LENG8: variants seen among roughly 807,000 people sequenced by gnomAD.
LENG8 encodes leukocyte receptor cluster member 8.
In LENG8, 28 loss-of-function variants were observed where a neutral mutation model predicts 102.1. The ratio of observed to expected loss-of-function variants is 0.27; its 90% CI spans 0.20 to 0.38. The LOEUF (loss-of-function observed/expected upper bound fraction) is 0.38, where lower values mean the gene tolerates loss of function less well. Among genes scored for constraint, LENG8 ranks in the 10% least tolerant of loss-of-function variants. The pLI is 1.00. For missense variants in LENG8, 1,022 were observed against 1,113.9 expected (o/e 0.92, Z 1.17); for synonymous variants, 531 against 456.7 (o/e 1.16, Z -2.07).
chr19:54,454,761 G>A, intron 6 of LENG8, 79 bp downstream of exon 6: 1 of 1,480,460 alleles, frequency 6.8e-7, no homozygotes, highest in Non-Finnish European at 9.0e-7. Flanking sequence ...CGTGGTGTGT[G>A]CTGCTCCTTG....
intron 15 of LENG8, chr19:54,460,381 G>A (rs966559213): frequency 9.9e-6 from 12 of 1,211,392 alleles, no homozygotes; most frequent in Non-Finnish European, 1.3e-5. Flanking sequence ...CGCAGGGCAG[G>A]GGAGGCAGCG....
At chr19:54,457,486 G>T (rs894966142) in intron 11 of LENG8, among the ~76,000 whole-genome samples, 3 of 152,112 alleles carry the variant, frequency 2.0e-5, no homozygotes, top group Admixed American at 1.3e-4. Flanking sequence ...GATTACAGGC[G>T]TCTGCCACTA....
Position 54,452,127 on chromosome 19 carries a change from C to G in LENG8, c.73C>G (p.Arg25Gly). 6.2e-7 allele frequency: 1 copy of G among 1,613,988 alleles called. No homozygotes were observed. Among genetic ancestry groups the G allele is most frequent in the Non-Finnish European group, 8.5e-7 (1 of 1,179,966 alleles). Reference protein sequence around the residue: ...SQYSMVAGAGRENGMETPMHE... With the variant: ...SQYSMVAGAGGENGMETPMHE... ...GTACAGCATGGTGGCTGGGGCAGGC[C>G]GAGAGAATGGCATGGAGACGCCGAT... Residue 25 changes from arginine (R) to glycine (G), a missense_variant, in exon 3 of 16, where the codon CGA (arginine) becomes GGA (glycine). Arg to Gly is a moderately radical substitution (Grantham distance 125). Transcript: ENST00000326764.
Position 54,461,911 on chromosome 19 carries a change from C to G in LENG8, c.*983C>G, listed in dbSNP as rs1440785261. 4.6e-6 allele frequency: 4 copies of G among 873,244 alleles called. No individual in the cohort carries two copies. The highest frequency in any genetic ancestry group is 7.9e-6 in the Non-Finnish European group (4 of 508,676). The allele number at this position is 873,244 out of a possible 1,614,324, so 54.1% of individuals were successfully genotyped here. On this transcript the variant is annotated 3_prime_UTR_variant, in exon 16 of 16. Transcript: ENST00000326764. The stretch of plus-strand genomic sequence containing the variant: ...TCCAGATGTTCCTCCTCTGCCTCCC[C>G]TTCCCCTCCTCTCCCCTCCTTTTCC...
Position 54,454,933 on chromosome 19 carries a change from C to A in LENG8, c.680-18C>A, listed in dbSNP as rs765560174. 2 of 1,614,102 alleles carry A rather than the reference C, an allele frequency of 1.2e-6. No individual in the cohort carries two copies. Among genetic ancestry groups the A allele is most frequent in the East Asian group, 2.2e-5 (1 of 44,880 alleles). On this transcript the variant is annotated intron_variant, in intron 6 of 15. Transcript: ENST00000326764. ...GTGCCGGGGAAGGGCCTAACCATAG[C>A]TTTCGCTGCCCTCACAGCCGCCCCT...
chr19:54,461,045 G>C lies in LENG8; in HGVS notation c.*117G>C. 7.0e-7 allele frequency: 1 copy of C among 1,434,704 alleles called. No homozygotes were observed. The highest frequency in any genetic ancestry group is 1.3e-5 in the South Asian group (1 of 79,998). 88.9% of individuals were successfully genotyped at this position (1,434,704 alleles called of 1,614,324 possible). A position where few individuals can be genotyped will look rare whatever the true frequency, so the allele number is the denominator to read the frequency against. On this transcript the variant is annotated 3_prime_UTR_variant, in exon 16 of 16. Coordinates refer to ENST00000326764, the MANE Select transcript of LENG8 (RefSeq NM_052925.4). ...TTTATTTGTGGGGAGTGCGCTCCAGGAAGAGCCACCATCCCTGCCCCCGTT... is the reference window on the plus strand; with the variant it reads ...TTTATTTGTGGGGAGTGCGCTCCAGCAAGAGCCACCATCCCTGCCCCCGTT...
Position 54,461,942 on chromosome 19 carries a change from T to C in LENG8, c.*1014T>C, listed in dbSNP as rs974404694. On this transcript the variant is annotated 3_prime_UTR_variant, in exon 16 of 16. Coordinates refer to ENST00000326764, the MANE Select transcript of LENG8 (RefSeq NM_052925.4). ...CTCCTCTCCCCTCCTTTTCCTTCCT[T>C]CCTTCCTTTCCTTGGAGCACTGAGC... 1.9e-5 allele frequency: 19 copies of C among 992,428 alleles called. No homozygotes were observed. In the Admixed American group the frequency reaches 2.1e-4, roughly 11 times the overall value. 61.5% of individuals were successfully genotyped at this position (992,428 alleles called of 1,614,324 possible). A position where few individuals can be genotyped will look rare whatever the true frequency, so the allele number is the denominator to read the frequency against.
chr19:54,458,825 C>G (rs1203517084), intron 15 of LENG8: 3 of 1,551,022 alleles, frequency 1.9e-6, no homozygotes, highest in Non-Finnish European at 2.6e-6. Context: ...TGCCTGGACC[C>G]CCTAGTTCAC....
At position 54,454,642 on chromosome 19, in the gene LENG8, C is replaced by G. The variant is rs150631293; in HGVS notation, c.639C>G (p.Ala213=). The G allele has an allele frequency of 8.5e-5, 136 of 1,607,078 alleles. No individual in the cohort carries two copies. The highest frequency in any genetic ancestry group is 1.0e-4 in the Non-Finnish European group (122 of 1,178,584). ...GGCCACACACCTACACCGAACCTGC[C>G]AAGCCCAAGAAGGGCCAACAGCTGT... ...AYGPHTYTEP[A]KPKKGQQLWN... is the part of the protein sequence containing the mutation. Residue 213 remains alanine, a synonymous_variant, in exon 6 of 16, where the codon GCC becomes GCG. Transcript: ENST00000326764.
intron 2 of LENG8, 191 bp from the exon 3 acceptor site, chr19:54,451,902 A>G (rs2083978126): frequency 1.9e-6 from 1 of 531,946 alleles, no homozygotes; most frequent in Admixed American, 3.5e-5. Flanking sequence ...TAAGTAGGTG[A>G]TCTCATTTAT....
chr19:54,455,630 G>C lies in LENG8; in HGVS notation c.1025+63G>C. 2.1e-6 allele frequency: 3 copies of C among 1,432,210 alleles called. No individual in the cohort carries two copies. In the Admixed American group the frequency reaches 5.8e-5, roughly 28 times the overall value. 88.7% of individuals were successfully genotyped at this position (1,432,210 alleles called of 1,614,324 possible). On this transcript the variant is annotated intron_variant, in intron 8 of 15. Coordinates refer to ENST00000326764, the MANE Select transcript of LENG8 (RefSeq NM_052925.4). ...CTGTGAGAGGCATGGGCTGGGTATG[G>C]AGGTAGGAGAGTTGCGGGTCCCAGG...
chr19:54,457,443 C>T (rs1042341618), intron 11 of LENG8, among the ~76,000 whole-genome samples: 2 of 152,210 alleles, frequency 1.3e-5, no homozygotes, highest in African/African-American at 2.4e-5. Context: ...CGGCTTCAAG[C>T]GATTCTCCTG....
chr19:54,452,885 C>T (rs564159062), intron 4 of LENG8, 133 bp downstream of exon 4: 6 of 678,076 alleles, frequency 8.8e-6, no homozygotes, highest in East Asian at 2.6e-5. Context: ...TGCTCAGAAA[C>T]CCTCTAACTT....
chr19:54,455,848 G>A, intron 8 of LENG8, 119 bp from the exon 9 acceptor site: 3 of 1,131,420 alleles, frequency 2.7e-6, no homozygotes, highest in Non-Finnish European at 3.7e-6. Context: ...TAGTAGCTGA[G>A]CCGCCTGGGG....
At position 54,457,664 on chromosome 19, in the gene LENG8, C is replaced by T. The variant is rs1043007753; in HGVS notation, c.1732-83C>T. On this transcript the variant is annotated intron_variant, in intron 11 of 15. Transcript: ENST00000326764. ...CCTTTTTTTTCTTTTTTTAATGTTGCAACTCTCCCACCAAATAAGTGGAAG... is the reference window on the plus strand; with the variant it reads ...CCTTTTTTTTCTTTTTTTAATGTTGTAACTCTCCCACCAAATAAGTGGAAG... 5.1e-6 allele frequency: 5 copies of T among 975,470 alleles called. No individual in the cohort carries two copies. The Admixed American group carries it at 7.2e-5, about 14-fold the overall frequency. 60.4% of individuals were successfully genotyped at this position (975,470 alleles called of 1,614,324 possible).
Position 54,456,941 on chromosome 19 carries a change from G to C in LENG8, c.1731+20G>C, listed in dbSNP as rs1166680313. 6.3e-7 allele frequency: 1 copy of C among 1,588,500 alleles called. No individual in the cohort carries two copies. Among genetic ancestry groups the C allele is most frequent in the East Asian group, 2.3e-5 (1 of 44,400 alleles). On this transcript the variant is annotated intron_variant, in intron 11 of 15. Coordinates refer to ENST00000326764, the MANE Select transcript of LENG8 (RefSeq NM_052925.4). The stretch of plus-strand genomic sequence containing the variant: ...GTGGCAGTAAGTGCCCAGCAGGGCA[G>C]TTCTGCTCTGTGAGGCCGTGCTGGC...
rs753652584 is a variant in LENG8 at position 54,461,763 on chromosome 19, TTTAAG to T, written c.*839_*843del. The T allele has an allele frequency of 3.0e-4, 166 of 559,092 alleles. 1 individual carries two copies. Among genetic ancestry groups the T allele is most frequent in the African/African-American group, 9.2e-4 (49 of 53,528 alleles). 34.6% of individuals were successfully genotyped at this position (559,092 alleles called of 1,614,324 possible). On this transcript the variant is annotated 3_prime_UTR_variant, in exon 16 of 16. Transcript: ENST00000326764. ...TCTCTTTTCTTTGTGTGTGTGTTTA[TTTAAG>T]TTATTTTTCTTCCTCCTCTCCCTTT...
chr19:54,460,347 C>T lies in LENG8; in HGVS notation c.2241-419C>T, dbSNP rs556027763. ...TGGTGAGTGCTAGCTGGCACCCCTG[C>T]GCCTGGCTTCCCAGACACTGTAACG... On this transcript the variant is annotated intron_variant, in intron 15 of 15. Transcript: ENST00000326764. The T allele has an allele frequency of 1.9e-4, 224 of 1,204,884 alleles. 4 individuals are homozygous for T. In the South Asian group the frequency reaches 2.1e-3, roughly 12 times the overall value. The allele number at this position is 1,204,884 out of a possible 1,614,324, so 74.6% of individuals were successfully genotyped here.
intron 1 of LENG8, among the ~76,000 whole-genome samples, chr19:54,450,906 C>A (rs1033011661): frequency 6.6e-6 from 1 of 152,186 alleles, no homozygotes; most frequent in Non-Finnish European, 1.5e-5. Flanking sequence ...AGGCGTGAGC[C>A]ACCGCGCCTG....
Sources: gnomAD v4.1 joint callset for allele counts (sites outside exome capture counted in the v4.1 genomes callset) on GRCh38, gnomAD v4.1.1 for gene constraint, MANE v1.5 for transcripts, NCBI Gene and HGNC (gene_info 2026-07-23, HGNC 2026-07-21) for gene names.